The following TSPAN11 variants were observed in gnomAD, a reference collection of about 807,000 sequenced individuals.
The protein encoded by TSPAN11 is tetraspanin-11.
In TSPAN11, 29 loss-of-function variants were observed where a neutral mutation model predicts 32.9. The observed-to-expected ratio is 0.88, with a 90% CI of 0.66 to 1.20. The LOEUF is 1.20. Among genes scored for constraint, TSPAN11 ranks in the 50% most tolerant of loss-of-function variants. TSPAN11 has a pLI of 0.00. For synonymous variants in TSPAN11, 140 were observed against 141.3 expected (o/e 0.99, Z 0.07); for missense variants, 283 against 329.1 (o/e 0.86, Z 1.08).
chr12:30,975,081 G>A lies in TSPAN11; in HGVS notation c.277-3480G>A, dbSNP rs4931395. On this transcript the variant is annotated intron_variant, in intron 3 of 7. Transcript: ENST00000546076. The surrounding 1 kb of genome is among the most constrained non-coding windows in gnomAD (Gnocchi z 4.5). ...AGGCTGGACGCTTGGCCTGTGTGAA[G>A]AGAACTGTGTGCAGCAACACCAGGA... 0.32 allele frequency among the ~76,000 whole-genome samples: 48,516 copies of A among 152,162 alleles called. 9,020 individuals carry two copies. Among genetic ancestry groups the A allele is most frequent in the Non-Finnish European group, 0.42 (28,589 of 67,976 alleles).
At chr12:30,982,505 A>AGCCTCT (rs748981732) in intron 5 of TSPAN11, 27 bp from the exon 6 acceptor site, 100 of 1,593,096 alleles carry the variant, frequency 6.3e-5, no homozygotes, top group South Asian at 1.3e-4. Flanking sequence ...TCTCACCTCC[A>AGCCTCT]GCCTCTGCCT....
At chr12:30,950,122 A>G (rs758781067) in intron 1 of TSPAN11, among the ~76,000 whole-genome samples, 2 of 148,550 alleles carry the variant, frequency 1.3e-5, no homozygotes, top group Non-Finnish European at 3.0e-5. Flanking sequence ...TCTTTCTTGG[A>G]CTTAAGCATC....
rs566055943 is a variant in TSPAN11 at position 30,975,739 on chromosome 12, G to A, written c.277-2822G>A. ...TGCCAGCTATCCAGGAGTATCCTAC[G>A]GGCCTGACTCACAGCTCACAGTGGT... On this transcript the variant is annotated intron_variant, in intron 3 of 7. Transcript: ENST00000546076. The surrounding 1 kb of genome is among the most constrained non-coding windows in gnomAD (Gnocchi z 4.5). Among the ~76,000 whole-genome samples, 3 of 151,572 alleles carry A rather than the reference G, an allele frequency of 2.0e-5. No individual in the cohort carries two copies. Among genetic ancestry groups the A allele is most frequent in the Admixed American group, 1.3e-4 (2 of 15,190 alleles).
At chr12:30,964,882 C>T (rs1244782077) in intron 3 of TSPAN11, among the ~76,000 whole-genome samples, 2 of 152,208 alleles carry the variant, frequency 1.3e-5, no homozygotes, top group African/African-American at 2.4e-5. Flanking sequence ...TTATCTCCTA[C>T]GTCTCCTAAA....
At chr12:30,928,264 A>G (rs1040528515) in intron 1 of TSPAN11, among the ~76,000 whole-genome samples, 44 of 152,168 alleles carry the variant, frequency 2.9e-4, no homozygotes, top group African/African-American at 9.7e-4. Flanking sequence ...TGAGCCCAGG[A>G]CATTTATAAC....
At chr12:30,943,681 G>T (rs1938211664) in intron 1 of TSPAN11, among the ~76,000 whole-genome samples, 1 of 152,142 alleles carries the variant, frequency 6.6e-6, no homozygotes, top group South Asian at 2.1e-4. Flanking sequence ...TCACACAAAG[G>T]AGCTGAGCTC....
At chr12:30,952,759 A>C (rs1191502709) in intron 1 of TSPAN11, among the ~76,000 whole-genome samples, 1 of 152,216 alleles carries the variant, frequency 6.6e-6, no homozygotes, top group Non-Finnish European at 1.5e-5. Flanking sequence ...TCTTCTCTGC[A>C]GGCCCAGCAG....
intron 1 of TSPAN11, 75 bp downstream of exon 1, chr12:30,926,871 C>G (rs1937805142): frequency 8.4e-7 from 1 of 1,196,976 alleles, no homozygotes; most frequent in Non-Finnish European, 1.1e-6. Context: ...GCGCCTCCAC[C>G]TCCGCTGCCC....
intron 3 of TSPAN11, among the ~76,000 whole-genome samples, chr12:30,966,558 G>A (rs1054732644): frequency 7.9e-5 from 12 of 152,244 alleles, no homozygotes; most frequent in Admixed American, 6.5e-5. Context: ...GCTGAGATGT[G>A]GAGCAAGTAA....
chr12:30,984,456 T>C (rs1939159229), intron 7 of TSPAN11, among the ~76,000 whole-genome samples: 2 of 152,066 alleles, frequency 1.3e-5, no homozygotes, highest in Non-Finnish European at 2.9e-5. Context: ...TCCAGTTTTC[T>C]GTAGACTTCA....
chr12:30,942,355 G>C (rs1938183766), intron 1 of TSPAN11, among the ~76,000 whole-genome samples: 2 of 152,184 alleles, frequency 1.3e-5, no homozygotes, highest in African/African-American at 4.8e-5. Flanking sequence ...GGCTCTGGAG[G>C]TCACAGGATT....
At chr12:30,981,717 C>G (rs1458886718) in intron 5 of TSPAN11, among the ~76,000 whole-genome samples, 1 of 152,212 alleles carries the variant, frequency 6.6e-6, no homozygotes, top group Non-Finnish European at 1.5e-5. Context: ...CTAAGCTACC[C>G]AAGGGTAGGC....
chr12:30,961,251 A>G (rs901682326), intron 2 of TSPAN11, among the ~76,000 whole-genome samples: 5 of 151,842 alleles, frequency 3.3e-5, no homozygotes, highest in African/African-American at 1.2e-4. Context: ...GCCATGAGCC[A>G]TTAATTCAGA....
intron 7 of TSPAN11, among the ~76,000 whole-genome samples, chr12:30,985,607 A>G (rs1284548136): frequency 6.6e-6 from 1 of 152,018 alleles, no homozygotes; most frequent in Non-Finnish European, 1.5e-5. Flanking sequence ...CTCTCCAGAA[A>G]CCTGTTACTC....
intron 3 of TSPAN11, among the ~76,000 whole-genome samples, chr12:30,977,232 A>G (rs1157275221): frequency 6.6e-6 from 1 of 152,276 alleles, no homozygotes; most frequent in African/African-American, 2.4e-5. Flanking sequence ...GGCAAGGCCC[A>G]TGGGCCCATG....
At chr12:30,934,146 AC>A (rs1937993654) in intron 1 of TSPAN11, among the ~76,000 whole-genome samples, 1 of 152,092 alleles carries the variant, frequency 6.6e-6, no homozygotes, top group African/African-American at 2.4e-5. Context: ...CAAGGCACTA[AC>A]CCCCAGCTGT....
the TSPAN11 span, among the ~76,000 whole-genome samples, chr12:31,004,893 GCT>G: frequency 6.6e-6 from 1 of 152,236 alleles, no homozygotes. Context: ...TGGCATCTGA[GCT>G]CTGTTAGCAA....
At chr12:30,989,401 C>CG (rs1262608380) in intron 7 of TSPAN11, among the ~76,000 whole-genome samples, 1 of 152,026 alleles carries the variant, frequency 6.6e-6, no homozygotes, top group African/African-American at 2.4e-5. Flanking sequence ...AGGTGGGGAG[C>CG]GGGGGTCTTT....
intron 1 of TSPAN11, among the ~76,000 whole-genome samples, chr12:30,947,119 C>G (rs1475259353): frequency 6.6e-6 from 1 of 152,208 alleles, no homozygotes; most frequent in Non-Finnish European, 1.5e-5. Flanking sequence ...GATAAGCCCA[C>G]ATCAAGTGGC....
Sources: gnomAD v4.1 joint callset for allele counts (sites outside exome capture counted in the v4.1 genomes callset) on GRCh38, gnomAD v4.1.1 for gene constraint, Gnocchi (gnomAD v3.1) non-coding constraint, MANE v1.5 for transcripts, NCBI Gene and HGNC (gene_info 2026-07-23, HGNC 2026-07-21) for gene names.